NXPE4: variants seen among roughly 807,000 people sequenced by gnomAD.
NXPE4 encodes the protein NXPE family member 4.
Under a neutral mutation model 33.3 loss-of-function variants are expected in NXPE4, and 42 were observed. The ratio of observed to expected loss-of-function variants is 1.26; its 90% CI spans 0.98 to 1.63. The LOEUF is 1.63. Ranked by LOEUF, NXPE4 falls within the 40% of genes most tolerant of loss-of-function variation. NXPE4 has a pLI of 0.00. For missense variants in NXPE4, 709 were observed against 647.6 expected (o/e 1.09, Z -1.03); for synonymous variants, 253 against 234.9 (o/e 1.08, Z -0.71).
chr11:114,632,949 A>C, the NXPE4 span, among the ~76,000 whole-genome samples: 16 of 99,980 alleles, frequency 1.6e-4, no homozygotes, highest in Non-Finnish European at 2.7e-4. Flanking sequence ...ATATTATATG[A>C]TATTTTATAT....
intron 2 of NXPE4, among the ~76,000 whole-genome samples, chr11:114,592,099 C>A (rs1007837896): frequency 1.3e-5 from 2 of 152,164 alleles, no homozygotes; most frequent in African/African-American, 4.8e-5. Context: ...CAAAAGCCTT[C>A]TGAGATCTGG....
At chr11:114,606,556 G>A in the NXPE4 span, among the ~76,000 whole-genome samples, 1 of 150,284 alleles carries the variant, frequency 6.7e-6, no homozygotes, top group Non-Finnish European at 1.5e-5. Context: ...GCCTCATGGG[G>A]AACCACTGTT....
At chr11:114,641,007 G>A in the NXPE4 span, among the ~76,000 whole-genome samples, 1 of 152,010 alleles carries the variant, frequency 6.6e-6, no homozygotes, top group Non-Finnish European at 1.5e-5. Context: ...ATTGGAGAAT[G>A]ATAAGGTACA....
At chr11:114,605,873 G>A in the NXPE4 span, among the ~76,000 whole-genome samples, 3 of 151,720 alleles carry the variant, frequency 2.0e-5, no homozygotes, top group African/African-American at 7.3e-5. Flanking sequence ...TGGATAATAA[G>A]TGTTGCCTCG....
the NXPE4 span, among the ~76,000 whole-genome samples, chr11:114,611,674 C>T: frequency 6.6e-6 from 1 of 151,898 alleles, no homozygotes; most frequent in African/African-American, 2.4e-5. Flanking sequence ...TACGTGTTGC[C>T]TCGTGGGTAA....
the NXPE4 span, among the ~76,000 whole-genome samples, chr11:114,625,378 C>G: frequency 6.6e-6 from 1 of 152,136 alleles, no homozygotes; most frequent in African/African-American, 2.4e-5. Context: ...TGGGTAACCA[C>G]TGTTACCCAG....
the NXPE4 span, among the ~76,000 whole-genome samples, chr11:114,616,709 C>T: frequency 6.6e-6 from 1 of 151,772 alleles, no homozygotes; most frequent in African/African-American, 2.4e-5. Flanking sequence ...ACCACTGTTA[C>T]CCAGTGTATA....
chr11:114,584,303 T>A, intron 2 of NXPE4: 1 of 512,544 alleles, frequency 2.0e-6, no homozygotes, highest in Non-Finnish European at 4.0e-6. Context: ...CCTTCCAATA[T>A]GACTAACCAG....
the NXPE4 span, among the ~76,000 whole-genome samples, chr11:114,651,424 C>T: frequency 1.3e-5 from 2 of 152,024 alleles, no homozygotes; most frequent in South Asian, 2.1e-4. Context: ...CAAACGTTTG[C>T]GGTGAGTGTT....
At chr11:114,613,586 G>C in the NXPE4 span, among the ~76,000 whole-genome samples, 26 of 151,924 alleles carry the variant, frequency 1.7e-4, no homozygotes, top group South Asian at 4.4e-3. Flanking sequence ...ACTGTTACCT[G>C]GTGGATAATA....
the NXPE4 span, among the ~76,000 whole-genome samples, chr11:114,670,059 GAATTAGAACAAACCTCAAA>G: frequency 6.6e-6 from 1 of 152,022 alleles, no homozygotes; most frequent in Admixed American, 6.6e-5. Context: ...GAGCCCTATA[GAATTAGAACAAACCTCAAA>G]GACTGGTCTC....
the NXPE4 span, among the ~76,000 whole-genome samples, chr11:114,655,219 T>C: frequency 2.2e-4 from 33 of 152,368 alleles, no homozygotes; most frequent in African/African-American, 6.7e-4. Flanking sequence ...AAATGCTGGA[T>C]ATTAAACCTT....
chr11:114,590,350 A>T lies in NXPE4; in HGVS notation c.96+4314T>A, dbSNP rs185134115. Among the ~76,000 whole-genome samples, 154 of 152,342 alleles carry T rather than the reference A, an allele frequency of 1.0e-3. 1 individual carries two copies. Among genetic ancestry groups the T allele is most frequent in the Admixed American group, 8.2e-3 (126 of 15,296 alleles). ...TTAGTGCTTCTGAAAGGACCAGAGC[A>T]TTAGGGGAAGAAAGAATTAAGCCCA... On this transcript the variant is annotated intron_variant, in intron 2 of 5. Transcript: ENST00000375478.
the NXPE4 span, among the ~76,000 whole-genome samples, chr11:114,650,096 C>T: frequency 2.0e-5 from 3 of 152,072 alleles, no homozygotes; most frequent in African/African-American, 7.2e-5. Flanking sequence ...AGGTAATATA[C>T]AAAAGTGTAA....
the NXPE4 span, among the ~76,000 whole-genome samples, chr11:114,633,180 G>A: frequency 8.2e-6 from 1 of 121,852 alleles, no homozygotes; most frequent in Non-Finnish European, 1.6e-5. Context: ...TAATTTATAT[G>A]ATTATATTTT....
chr11:114,609,665 C>T, the NXPE4 span, among the ~76,000 whole-genome samples: 5 of 150,732 alleles, frequency 3.3e-5, no homozygotes, highest in African/African-American at 1.2e-4. Context: ...ACGACTATTA[C>T]CCAGTGGATA....
At chr11:114,590,517 A>T (rs1949425736) in intron 2 of NXPE4, among the ~76,000 whole-genome samples, 1 of 152,212 alleles carries the variant, frequency 6.6e-6, no homozygotes, top group Admixed American at 6.6e-5. Flanking sequence ...CAAGTGGATA[A>T]AATTCATCTC....
intron 5 of NXPE4, among the ~76,000 whole-genome samples, chr11:114,573,405 G>A (rs7122830): frequency 0.21 from 31,189 of 151,874 alleles, 4,209 homozygotes; most frequent in African/African-American, 0.37. Context: ...TACTTAAAAC[G>A]TACAGAATGG....
chr11:114,634,650 AGGAAG>A, the NXPE4 span, among the ~76,000 whole-genome samples: 1 of 152,060 alleles, frequency 6.6e-6, no homozygotes, highest in Admixed American at 6.6e-5. Flanking sequence ...ATAAGGTGTA[AGGAAG>A]GGATCCAGTT....
Sources: allele counts gnomAD v4.1 joint callset (sites outside exome capture counted in the v4.1 genomes callset), GRCh38; gene constraint gnomAD v4.1.1; transcripts MANE v1.5; gene names NCBI Gene and HGNC (gene_info 2026-07-23, HGNC 2026-07-21).